Variants in ECD observed in about 807,000 individuals in gnomAD.
ECD encodes ecdysoneless cell cycle regulator.
A neutral mutation model predicts 77.2 loss-of-function variants in ECD; 59 were observed. That is an observed-to-expected ratio of 0.76 (90% CI 0.62 to 0.95). The LOEUF is 0.95. Among genes scored for constraint, ECD ranks in the 40% least tolerant of loss-of-function variants. ECD has a pLI of 0.00. For missense variants in ECD, 704 were observed against 763.4 expected, an observed-to-expected ratio of 0.92 and a Z score of 0.92; for synonymous variants, 233 against 267.4, an observed-to-expected ratio of 0.87 and a Z score of 1.26.
chr10:73,147,989 T>A (rs749160828), intron 8 of ECD, among the ~76,000 whole-genome samples: 2 of 152,206 alleles, frequency 1.3e-5, no homozygotes, highest in Non-Finnish European at 2.9e-5. Flanking sequence ...TTTTCCTATC[T>A]GGTGTTTTCA....
intron 3 of ECD, among the ~76,000 whole-genome samples, chr10:73,157,355 C>A (rs913833230): frequency 1.3e-5 from 2 of 151,660 alleles, no homozygotes; most frequent in African/African-American, 4.8e-5. Context: ...CGGCCCGTAT[C>A]ACTTTTTTAA....
chr10:73,143,314 G>A (rs879270849), intron 9 of ECD, among the ~76,000 whole-genome samples: 1 of 151,540 alleles, frequency 6.6e-6, no homozygotes, highest in Non-Finnish European at 1.5e-5. Flanking sequence ...GATTACAGGG[G>A]CGTGCCAACA....
intron 3 of ECD, among the ~76,000 whole-genome samples, chr10:73,158,289 T>C (rs1366757337): frequency 6.6e-6 from 1 of 152,094 alleles, no homozygotes; most frequent in East Asian, 1.9e-4. Flanking sequence ...TGAAACTTGC[T>C]AAGGCAGTAG....
intron 9 of ECD, among the ~76,000 whole-genome samples, chr10:73,143,181 T>G (rs183930494): frequency 4.6e-5 from 7 of 152,230 alleles, no homozygotes; most frequent in Non-Finnish European, 8.8e-5. Flanking sequence ...TGTATTGTTT[T>G]GTTTTGAGAC....
At chr10:73,160,401 A>C (rs1843360477) in intron 3 of ECD, 33 bp downstream of exon 3, 1 of 1,423,010 alleles carries the variant, frequency 7.0e-7, no homozygotes, top group Admixed American at 2.3e-5. Context: ...CAGTAATAGA[A>C]TTCCTTTAGA....
intron 3 of ECD, among the ~76,000 whole-genome samples, chr10:73,159,642 A>ATTTTTTTTTTTTT (rs1169258127): frequency 3.2e-5 from 4 of 123,630 alleles, no homozygotes; most frequent in East Asian, 5.0e-4. Context: ...CAGTACTTTA[A>ATTTTTTTTTTTTT]TTTTTTTTTT....
intron 3 of ECD, among the ~76,000 whole-genome samples, chr10:73,158,699 G>A (rs1843334588): frequency 6.6e-6 from 1 of 151,974 alleles, no homozygotes; most frequent in Non-Finnish European, 1.5e-5. Context: ...TTGTTCCACT[G>A]CAGTCCAGTC....
intron 11 of ECD, 91 bp downstream of exon 11, chr10:73,139,216 CAA>C (rs60066016): frequency 0.11 from 109,310 of 1,025,392 alleles, 2,853 homozygotes; most frequent in African/African-American, 0.34. Flanking sequence ...CTCATTTACT[CAA>C]AAAAAAAAAA....
chr10:73,136,938 G>C lies in ECD; in HGVS notation c.1490-20C>G, dbSNP rs968870151. 2 of 1,367,936 alleles carry C rather than the reference G, an allele frequency of 1.5e-6. No individual in the cohort carries two copies. The highest frequency in any genetic ancestry group is 4.6e-5 in the Admixed American group (2 of 43,242). 84.7% of individuals were successfully genotyped at this position (1,367,936 alleles called of 1,614,324 possible). ...TTGGCCCTACACAGATCCCAAGAAA[G>C]AAAGAGCCACTTAGTAATTATTATT... On this transcript the variant is annotated intron_variant, in intron 12 of 13. Coordinates refer to ENST00000372979, the MANE Select transcript of ECD (RefSeq NM_007265.3).
chr10:73,146,769 T>A (rs1409939572), intron 8 of ECD, among the ~76,000 whole-genome samples: 1 of 151,680 alleles, frequency 6.6e-6, no homozygotes, highest in Non-Finnish European at 1.5e-5. Context: ...AGACCCTGCC[T>A]CTATGAAAAA....
chr10:73,149,102 T>C (rs1007667575), intron 7 of ECD, among the ~76,000 whole-genome samples: 4 of 152,208 alleles, frequency 2.6e-5, no homozygotes, highest in Admixed American at 2.0e-4. Flanking sequence ...TCCATCTTAC[T>C]TCATGGCTAG....
intron 3 of ECD, among the ~76,000 whole-genome samples, chr10:73,159,107 A>G (rs940618265): frequency 3.3e-5 from 5 of 152,350 alleles, no homozygotes; most frequent in South Asian, 2.1e-4. Flanking sequence ...AATTTAAATA[A>G]TAAGTTTTCA....
intron 9 of ECD, among the ~76,000 whole-genome samples, chr10:73,141,722 G>A: frequency 6.6e-6 from 1 of 151,910 alleles, no homozygotes; most frequent in East Asian, 1.9e-4. Flanking sequence ...TGATTATTTG[G>A]TTTATTCTCT....
chr10:73,140,897 T>C (rs2133250466), intron 9 of ECD, among the ~76,000 whole-genome samples: 1 of 151,406 alleles, frequency 6.6e-6, no homozygotes, highest in South Asian at 2.1e-4. Context: ...TACATATACA[T>C]ATAAAACACG....
rs747380919 is a variant in ECD, at chr10:73,148,227, G to A, written c.1041+49C>T. The A allele has an allele frequency of 5.0e-6, 8 of 1,597,798 alleles. No individual in the cohort carries two copies. The South Asian group carries it at 9.0e-5, about 18-fold the overall frequency. On this transcript the variant is annotated intron_variant, in intron 8 of 13. Transcript: ENST00000372979. ...CTATAGGACTTTAAGTCGCTGGCTT[G>A]ATTTTCCCTGGATTGAATACTTAAA...
rs1843086248 is a variant in ECD, at chr10:73,143,606, T to C, written c.1127+2670A>G. 2.0e-5 allele frequency among the ~76,000 whole-genome samples: 3 copies of C among 152,190 alleles called. No homozygotes were observed. The South Asian group carries it at 6.2e-4, about 31-fold the overall frequency. On this transcript the variant is annotated intron_variant, in intron 9 of 13. Coordinates refer to ENST00000372979, the MANE Select transcript of ECD (RefSeq NM_007265.3). ...TTATAGGGTATATGAGATGTTTTGA[T>C]ACAGGCATGTAATGTGAAATAAGTA... is the stretch of plus-strand genomic sequence containing the variant.
chr10:73,152,919 A>T (rs1290972870), intron 6 of ECD, among the ~76,000 whole-genome samples: 4 of 152,074 alleles, frequency 2.6e-5, no homozygotes, highest in African/African-American at 9.7e-5. Flanking sequence ...TGTTGCAAAA[A>T]AAATTTTACC....
intron 9 of ECD, among the ~76,000 whole-genome samples, 158 bp downstream of exon 9, chr10:73,146,118 A>C (rs1223520929): frequency 6.6e-6 from 1 of 150,610 alleles, no homozygotes; most frequent in Non-Finnish European, 1.5e-5. Flanking sequence ...CAGTGGTGTG[A>C]TCGCTTGAGC....
chr10:73,143,718 ATTAAG>A (rs1488306632), intron 9 of ECD, among the ~76,000 whole-genome samples: 2 of 151,966 alleles, frequency 1.3e-5, no homozygotes, highest in African/African-American at 2.4e-5. Context: ...TAAATGTATA[ATTAAG>A]TTATCATTGA....
Sources: gnomAD v4.1 joint callset for allele counts (sites outside exome capture counted in the v4.1 genomes callset) on GRCh38, gnomAD v4.1.1 for gene constraint, MANE v1.5 for transcripts, NCBI Gene and HGNC (gene_info 2026-07-23, HGNC 2026-07-21) for gene names.